Variants in LRMDA observed in about 807,000 individuals in gnomAD.
LRMDA encodes leucine rich melanocyte differentiation associated.
Under a neutral mutation model 29.8 loss-of-function variants are expected in LRMDA, and 18 were observed. The observed-to-expected ratio is 0.60, with a 90% CI of 0.42 to 0.90. The LOEUF is 0.90. Among genes scored for constraint, LRMDA ranks in the 40% least tolerant of loss-of-function variants. The probability of loss-of-function intolerance (pLI) is 0.00; values close to 1 mark genes in which losing one functional copy is unlikely to be tolerated. For synonymous variants in LRMDA, 125 were observed against 109.4 expected (o/e 1.14, Z -0.89); for missense variants, 273 against 273.9 (o/e 1.00, Z 0.02).
intron 2 of LRMDA, among the ~76,000 whole-genome samples, chr10:75,668,319 A>G (rs1434043990): frequency 6.6e-6 from 1 of 152,152 alleles, no homozygotes; most frequent in Non-Finnish European, 1.5e-5. Context: ...TCTGTGGCCC[A>G]TTGGAAGTGG....
At chr10:76,292,457 A>G (rs983002386) in intron 5 of LRMDA, among the ~76,000 whole-genome samples, 1 of 152,010 alleles carries the variant, frequency 6.6e-6, no homozygotes, top group Non-Finnish European at 1.5e-5. Context: ...TTTCTAGCAG[A>G]GTCTCTTTAG....
At chr10:76,530,577 G>A (rs926826016) in intron 6 of LRMDA, among the ~76,000 whole-genome samples, 1 of 152,152 alleles carries the variant, frequency 6.6e-6, no homozygotes, top group African/African-American at 2.4e-5. Flanking sequence ...AGTTAGCTAT[G>A]ATGATGACTG....
At chr10:76,062,656 C>G (rs7477853) in intron 5 of LRMDA, among the ~76,000 whole-genome samples, 55,035 of 138,638 alleles carry the variant, frequency 0.4, 11,513 homozygotes, top group Non-Finnish European at 0.47. Context: ...CTTTATCTCT[C>G]TGTGTGTGTG....
At chr10:76,316,514 G>T (rs1279189474) in intron 5 of LRMDA, among the ~76,000 whole-genome samples, 3 of 152,202 alleles carry the variant, frequency 2.0e-5, no homozygotes, top group Non-Finnish European at 4.4e-5. Context: ...CAAGTGTGTG[G>T]AATGAGCCCA....
chr10:75,906,624 A>G (rs959499807), intron 2 of LRMDA, among the ~76,000 whole-genome samples: 1 of 152,236 alleles, frequency 6.6e-6, no homozygotes, highest in African/African-American at 2.4e-5. Flanking sequence ...GTATGTTTTA[A>G]TAGCATTCCC....
intron 2 of LRMDA, among the ~76,000 whole-genome samples, chr10:75,981,699 A>G (rs1847173288): frequency 6.6e-6 from 1 of 152,022 alleles, no homozygotes; most frequent in Admixed American, 6.5e-5. Flanking sequence ...TAAAAATACG[A>G]ACATTAGCTG....
At chr10:75,954,890 C>G (rs1017424382) in intron 2 of LRMDA, among the ~76,000 whole-genome samples, 12 of 152,116 alleles carry the variant, frequency 7.9e-5, no homozygotes, top group African/African-American at 2.9e-4. Context: ...TTTGGGAATG[C>G]TTTATTCCAT....
intron 6 of LRMDA, among the ~76,000 whole-genome samples, chr10:76,541,465 C>T (rs968188888): frequency 6.6e-6 from 1 of 152,162 alleles, no homozygotes; most frequent in Non-Finnish European, 1.5e-5. Flanking sequence ...CGCCCCACCG[C>T]TCCAGCCAGG....
rs535109628 is a variant in LRMDA at position 76,150,592 on chromosome 10, G to A, written c.516+91809G>A. Among the ~76,000 whole-genome samples, 25 of 152,288 alleles carry A rather than the reference G, an allele frequency of 1.6e-4. No individual in the cohort carries two copies. The South Asian group carries it at 3.1e-3, about 19-fold the overall frequency. On this transcript the variant is annotated intron_variant, in intron 5 of 6. Transcript: ENST00000611255. ...AGTCTTCACAACCTGTCCATTAAGCGGATGTTTGTGTGTGTGGCTTTCTGC... is the reference window on the plus strand; with the variant it reads ...AGTCTTCACAACCTGTCCATTAAGCAGATGTTTGTGTGTGTGGCTTTCTGC...
intron 2 of LRMDA, among the ~76,000 whole-genome samples, chr10:75,784,479 C>A (rs1196901505): frequency 6.6e-6 from 1 of 151,978 alleles, no homozygotes; most frequent in Non-Finnish European, 1.5e-5. Context: ...GCGGGAGGAT[C>A]ACGAGGTCAG....
intron 5 of LRMDA, among the ~76,000 whole-genome samples, chr10:76,290,869 G>C (rs760159364): frequency 1.3e-5 from 2 of 152,200 alleles, no homozygotes; most frequent in Admixed American, 6.5e-5. Flanking sequence ...AGTTGACTCT[G>C]AGAAGTAGTA....
At chr10:76,363,184 G>C (rs1355924961) in intron 6 of LRMDA, among the ~76,000 whole-genome samples, 1 of 15,304 alleles carries the variant, frequency 6.5e-5, no homozygotes, top group South Asian at 1.9e-3. Flanking sequence ...AAAGGAGGGA[G>C]GGAGGGAGGG....
At chr10:76,338,917 A>T (rs957080415) in intron 6 of LRMDA, among the ~76,000 whole-genome samples, 3 of 152,124 alleles carry the variant, frequency 2.0e-5, no homozygotes, top group Non-Finnish European at 4.4e-5. Context: ...ATATAATGGG[A>T]ATCTAAAACA....
chr10:75,688,129 A>G (rs1012490443), intron 2 of LRMDA, among the ~76,000 whole-genome samples: 1 of 152,254 alleles, frequency 6.6e-6, no homozygotes, highest in African/African-American at 2.4e-5. Flanking sequence ...TAAATCAAAG[A>G]GTAATTTCAA....
intron 2 of LRMDA, among the ~76,000 whole-genome samples, chr10:75,760,691 G>T (rs556940295): frequency 8.5e-5 from 13 of 152,184 alleles, no homozygotes; most frequent in Non-Finnish European, 1.9e-4. Flanking sequence ...TGCAGGCAGG[G>T]TGGATAGGGA....
intron 2 of LRMDA, among the ~76,000 whole-genome samples, chr10:75,479,504 CTA>C (rs1491382858): frequency 2.7e-4 from 13 of 48,746 alleles, no homozygotes; most frequent in East Asian, 2.5e-3. Context: ...GAGACTCTGT[CTA>C]AAAAAAAAAA....
chr10:76,007,627 G>T (rs192869474), intron 2 of LRMDA, among the ~76,000 whole-genome samples: 1 of 152,050 alleles, frequency 6.6e-6, no homozygotes, highest in Non-Finnish European at 1.5e-5. Context: ...CCTTCTCCCC[G>T]CCATCCCAAA....
chr10:76,039,255 G>T (rs1453890424), intron 3 of LRMDA, among the ~76,000 whole-genome samples: 1 of 152,192 alleles, frequency 6.6e-6, no homozygotes, highest in Non-Finnish European at 1.5e-5. Flanking sequence ...CTTGGCATTG[G>T]CATCTTGTCT....
intron 2 of LRMDA, among the ~76,000 whole-genome samples, chr10:75,733,260 C>A (rs1022779367): frequency 1.3e-5 from 2 of 152,218 alleles, no homozygotes; most frequent in Non-Finnish European, 2.9e-5. Context: ...GTGAGCTCTG[C>A]ATCATTGGTG....
Sources: allele counts gnomAD v4.1 joint callset (sites outside exome capture counted in the v4.1 genomes callset), GRCh38; gene constraint gnomAD v4.1.1; transcripts MANE v1.5; gene names NCBI Gene and HGNC (gene_info 2026-07-23, HGNC 2026-07-21).